The following SYNPO variants were observed in gnomAD, a reference collection of about 807,000 sequenced individuals.
The protein encoded by SYNPO is synaptopodin.
SYNPO carries 19 observed loss-of-function variants against 49.5 expected under a neutral mutation model. That is an observed-to-expected ratio of 0.38 (90% CI 0.27 to 0.56). SYNPO has a LOEUF of 0.56. SYNPO is among the 20% of genes least tolerant of loss of function. The pLI is 0.68. For synonymous variants in SYNPO, 536 were observed against 548.0 expected (o/e 0.98, Z 0.31); for missense variants, 1,131 against 1,248.3 (o/e 0.91, Z 1.42).
chr5:150,617,829 TTAAGA>T, intron 1 of SYNPO: 1 of 152,482 alleles, frequency 6.6e-6, no homozygotes, highest in Middle Eastern at 3.4e-3. Flanking sequence ...CAAATATTGC[TTAAGA>T]TAATTCTAAA....
At chr5:150,643,675 C>A (rs750387313) in intron 1 of SYNPO, among the ~76,000 whole-genome samples, 1 of 152,150 alleles carries the variant, frequency 6.6e-6, no homozygotes, top group Admixed American at 6.5e-5. Flanking sequence ...GCTGGGATTA[C>A]AGGCGCCCGC....
chr5:150,620,955 C>CTTTTCT lies in SYNPO; in HGVS notation c.400+2192_400+2193insCTTTTT, dbSNP rs1384764974. 4.5e-3 allele frequency among the ~76,000 whole-genome samples: 323 copies of CTTTTCT among 71,088 alleles called. 2 individuals are homozygous for CTTTTCT. Among genetic ancestry groups the CTTTTCT allele is most frequent in the Non-Finnish European group, 5.8e-3 (194 of 33,508 alleles). 46.6% of individuals were successfully genotyped at this position (71,088 alleles called of 152,430 possible). On this transcript the variant is annotated intron_variant, in intron 2 of 2. Transcript: ENST00000394243. ...TTTCTTTCTTTCTTTCTTTTCTTTT[C>CTTTTCT]TTTTTTTTTTTTTTTGAGATGGTAT... is the stretch of plus-strand genomic sequence containing the variant.
chr5:150,623,603 C>G (rs925150317), intron 2 of SYNPO, among the ~76,000 whole-genome samples: 1 of 152,108 alleles, frequency 6.6e-6, no homozygotes, highest in Non-Finnish European at 1.5e-5. Context: ...CTCTGAAGCC[C>G]ATGAGGCCAG....
chr5:150,597,281 G>C (rs1362039920), upstream of SYNPO, among the ~76,000 whole-genome samples: 1 of 152,236 alleles, frequency 6.6e-6, no homozygotes, highest in Non-Finnish European at 1.5e-5. Flanking sequence ...GGGACATAGT[G>C]TGCTGTGCTG....
intron 2 of SYNPO, among the ~76,000 whole-genome samples, chr5:150,620,129 C>G (rs1247298605): frequency 6.6e-6 from 1 of 152,308 alleles, no homozygotes; most frequent in East Asian, 1.9e-4. Context: ...AATCCCTTCC[C>G]CTTGGTGAGC....
chr5:150,612,525 G>A lies in SYNPO; in HGVS notation c.-265-5578G>A, dbSNP rs1014284057. Among the ~76,000 whole-genome samples, 9 of 152,114 alleles carry A rather than the reference G, an allele frequency of 5.9e-5. No individual in the cohort carries two copies. The East Asian group carries it at 1.5e-3, about 26-fold the overall frequency. On this transcript the variant is annotated intron_variant, in intron 1 of 2. Coordinates refer to the SYNPO transcript ENST00000394243. ...TGAGAAAGTACAGCCTTATGGATAA[G>A]AGTGACATTTGGAGCTAGACCATCA...
chr5:150,641,865 T>C (rs1042651253), intron 1 of SYNPO, among the ~76,000 whole-genome samples: 16 of 152,192 alleles, frequency 1.1e-4, no homozygotes, highest in Admixed American at 6.5e-4. Context: ...GATCACAAGA[T>C]GAGGGAGCAG....
intron 1 of SYNPO, chr5:150,614,713 T>TG (rs1004828481): frequency 6.6e-6 from 1 of 152,162 alleles, no homozygotes; most frequent in Non-Finnish European, 1.5e-5. Context: ...GTCATGAATC[T>TG]GGGGGAAATG....
rs770054530 is a variant in SYNPO, at chr5:150,648,382, T to C, written c.107T>C (p.Leu36Pro). Reference sequence around the variant, plus strand: ...GTTTATCTAAAGGAGAATGCAGCACTGCTGACAGCCAATGGGCTGCACCTG... The same window carrying C: ...GTTTATCTAAAGGAGAATGCAGCACCGCTGACAGCCAATGGGCTGCACCTG... The part of the protein sequence containing the change: ...LVVYLKENAA[L>P]LTANGLHLSQ... The change falls in exon 2 of 3, where the codon CTG (leucine) becomes CCG (proline). Residue 36 changes from leucine to proline, a missense_variant. Leu to Pro is a moderately conservative substitution (Grantham distance 98). This residue lies in a region of SYNPO where 4 missense variants were observed against 22.2 expected (regional missense o/e 0.18). Coordinates refer to ENST00000307662, the MANE Select transcript of SYNPO (RefSeq NM_007286.6). This position sits in a 1 kb window ranked among gnomAD's most constrained non-coding sequence, Gnocchi z 5.0. The C allele has an allele frequency of 6.2e-7, 1 of 1,614,154 alleles. No homozygotes were observed. Among genetic ancestry groups the C allele is most frequent in the Admixed American group, 1.7e-5 (1 of 60,024 alleles).
Position 150,657,406 on chromosome 5 carries a change from ACT to A in SYNPO, c.*326_*327del, listed in dbSNP as rs1301069291. 4.3e-5 allele frequency: 15 copies of A among 351,670 alleles called. No homozygotes were observed. Among genetic ancestry groups the A allele is most frequent in the Admixed American group, 1.3e-4 (3 of 23,192 alleles). The allele number at this position is 351,670 out of a possible 1,614,324, so 21.8% of individuals were successfully genotyped here. A position where few individuals can be genotyped will look rare whatever the true frequency, so the allele number is the denominator to read the frequency against. On this transcript the variant is annotated 3_prime_UTR_variant, in exon 3 of 3. Coordinates refer to ENST00000307662, the MANE Select transcript of SYNPO (RefSeq NM_007286.6). ...TCAGTACACACACCGATGCACACAC[ACT>A]CTCTCTTTCTCTCTCTCTCTCTCTC...
chr5:150,646,751 A>AAAATT (rs60578219), intron 1 of SYNPO, among the ~76,000 whole-genome samples: 21,350 of 152,022 alleles, frequency 0.14, 4,386 homozygotes, highest in African/African-American at 0.45. Flanking sequence ...ACAAATTAAA[A>AAAATT]AAAGCAGACG....
chr5:150,614,162 CG>C lies in SYNPO; in HGVS notation c.-265-3940del, dbSNP rs565575923. Among the ~76,000 whole-genome samples, 653 of 152,288 alleles carry C rather than the reference CG, an allele frequency of 4.3e-3. 4 individuals are homozygous for C. Among genetic ancestry groups the C allele is most frequent in the African/African-American group, 0.015 (625 of 41,560 alleles). The stretch of plus-strand genomic sequence containing the variant: ...CCTACAAACACCCTGGGAAGTGGAT[CG>C]TGTTTTAAGCCTTGTTTTGCAGGCA... On this transcript the variant is annotated intron_variant, in intron 1 of 2. Transcript: ENST00000394243.
chr5:150,611,752 G>A (rs1026894055), intron 1 of SYNPO, among the ~76,000 whole-genome samples: 13 of 152,300 alleles, frequency 8.5e-5, no homozygotes, highest in Admixed American at 2.0e-4. Context: ...AGAAGGGATC[G>A]GGACCGTGGG....
At chr5:150,591,054 G>T in the SYNPO span, among the ~76,000 whole-genome samples, 4 of 152,146 alleles carry the variant, frequency 2.6e-5, no homozygotes, top group Non-Finnish European at 2.9e-5. Context: ...ATGAGGCAAA[G>T]GTGCCAGGCC....
At chr5:150,625,289 A>G (rs1380005249) in intron 2 of SYNPO, among the ~76,000 whole-genome samples, 1 of 152,090 alleles carries the variant, frequency 6.6e-6, no homozygotes, top group Non-Finnish European at 1.5e-5. Flanking sequence ...TTCTGGGAAA[A>G]GTCGGACCGA....
At chr5:150,622,589 G>A (rs1040286658) in intron 2 of SYNPO, among the ~76,000 whole-genome samples, 1 of 152,192 alleles carries the variant, frequency 6.6e-6, no homozygotes, top group African/African-American at 2.4e-5. Context: ...CTCTGGGGTG[G>A]GGAGGGGTGT....
In SYNPO at chr5:150,658,115, A is replaced by G. The variant is rs147198497; in HGVS notation, c.*1028A>G. The G allele has an allele frequency of 1.1e-3, 162 of 152,454 alleles. No individual in the cohort carries two copies. The highest frequency in any genetic ancestry group is 3.5e-3 in the African/African-American group (144 of 41,568). The allele number at this position is 152,454 out of a possible 1,614,324, so 9.4% of individuals were successfully genotyped here. ...TATGAAAAGCATGGCCAGGATGCATAGAGGAGATTCTAGCAGGGGACAGGA... is the reference window on the plus strand; with the variant it reads ...TATGAAAAGCATGGCCAGGATGCATGGAGGAGATTCTAGCAGGGGACAGGA... On this transcript the variant is annotated 3_prime_UTR_variant, in exon 3 of 3. Transcript: ENST00000307662.
At chr5:150,627,215 C>T (rs1173445270) in intron 2 of SYNPO, among the ~76,000 whole-genome samples, 3 of 152,170 alleles carry the variant, frequency 2.0e-5, no homozygotes, top group East Asian at 1.9e-4. Flanking sequence ...ATCAGGGCAC[C>T]GTGGGCCCGG....
rs1304057223 is a variant in SYNPO, at chr5:150,656,865, C to G, written c.2490C>G (p.Ala830=). Residue 830 remains alanine, a synonymous_variant, in exon 3 of 3, where the codon GCC becomes GCG. Coordinates refer to ENST00000307662, the MANE Select transcript of SYNPO (RefSeq NM_007286.6). ...CCATCCCGCGGAGCCCGTTGCCCGC[C>G]GGTCCTTCGTCCTGCACCAGTCCCC... The part of the protein sequence containing the change: ...FAPIPRSPLP[A]GPSSCTSPRS... 1 of 1,570,236 alleles carries G rather than the reference C, an allele frequency of 6.4e-7. No homozygotes were observed. Among genetic ancestry groups the G allele is most frequent in the African/African-American group, 1.4e-5 (1 of 73,514 alleles).
Sources: allele counts gnomAD v4.1 joint callset (sites outside exome capture counted in the v4.1 genomes callset), GRCh38; gene constraint gnomAD v4.1.1; regional missense constraint gnomAD v4.1.1; non-coding constraint Gnocchi (gnomAD v3.1); transcripts MANE v1.5; gene names NCBI Gene and HGNC (gene_info 2026-07-23, HGNC 2026-07-21).